VAV3: variants seen among roughly 807,000 people sequenced by gnomAD.
The protein encoded by VAV3 is guanine nucleotide exchange factor VAV3.
In VAV3, 94 loss-of-function variants were observed where a neutral mutation model predicts 131.2. That is an observed-to-expected ratio of 0.72 (90% CI 0.61 to 0.85). The LOEUF (loss-of-function observed/expected upper bound fraction) is 0.85. Among genes scored for constraint, VAV3 ranks in the 40% least tolerant of loss-of-function variants. The probability of loss-of-function intolerance (pLI) is 0.00; values close to 1 mark genes in which losing one functional copy is unlikely to be tolerated. For missense variants in VAV3, 939 were observed against 1,002.7 expected (o/e 0.94, Z 0.86); for synonymous variants, 349 against 342.0 (o/e 1.02, Z -0.22).
At chr1:107,842,289 T>G (rs1232805060) in intron 2 of VAV3, among the ~76,000 whole-genome samples, 1 of 152,136 alleles carries the variant, frequency 6.6e-6, no homozygotes, top group East Asian at 1.9e-4. Flanking sequence ...GGAAGGGAGT[T>G]GCGAGATGAA....
intron 1 of VAV3, among the ~76,000 whole-genome samples, chr1:107,886,774 C>A (rs1453195341): frequency 1.3e-5 from 2 of 152,068 alleles, no homozygotes; most frequent in East Asian, 3.9e-4. Flanking sequence ...GCAGCACACC[C>A]CCACCCAGGA....
intron 2 of VAV3, among the ~76,000 whole-genome samples, chr1:107,802,264 A>G (rs1241642511): frequency 1.3e-5 from 2 of 151,802 alleles, no homozygotes; most frequent in East Asian, 3.9e-4. Flanking sequence ...TGGACTCTTT[A>G]GATTTTTCTA....
chr1:107,932,575 G>A (rs1480625157), intron 1 of VAV3, among the ~76,000 whole-genome samples: 1 of 152,066 alleles, frequency 6.6e-6, no homozygotes, highest in Non-Finnish European at 1.5e-5. Flanking sequence ...CCCAAACCCT[G>A]GAACCAATGA....
At chr1:107,933,764 C>T (rs1673575814) in intron 1 of VAV3, among the ~76,000 whole-genome samples, 1 of 138,328 alleles carries the variant, frequency 7.2e-6, no homozygotes, top group South Asian at 2.2e-4. Context: ...TTCAGTGAGC[C>T]ATGATTGCAC....
chr1:107,693,119 T>C (rs185533281), intron 17 of VAV3, among the ~76,000 whole-genome samples: 1 of 152,250 alleles, frequency 6.6e-6, no homozygotes, highest in East Asian at 1.9e-4. Context: ...GAAGCTTGCA[T>C]AGTGGAGTTC....
At chr1:107,714,186 G>C (rs918420729) in intron 15 of VAV3, among the ~76,000 whole-genome samples, 1 of 152,036 alleles carries the variant, frequency 6.6e-6, no homozygotes, top group Non-Finnish European at 1.5e-5. Context: ...TGATGGACAG[G>C]AATCACTCTC....
chr1:107,799,474 G>A (rs1570970619), intron 2 of VAV3, among the ~76,000 whole-genome samples: 1 of 152,074 alleles, frequency 6.6e-6, no homozygotes, highest in Non-Finnish European at 1.5e-5. Context: ...AAGAAGGTGG[G>A]TGATTGTTGT....
chr1:107,841,112 C>A (rs1185653688), intron 2 of VAV3, among the ~76,000 whole-genome samples: 1 of 151,996 alleles, frequency 6.6e-6, no homozygotes, highest in Non-Finnish European at 1.5e-5. Flanking sequence ...GATGGGAGTT[C>A]CATTATATAC....
At chr1:107,824,737 T>A (rs1433164996) in intron 2 of VAV3, among the ~76,000 whole-genome samples, 1 of 152,168 alleles carries the variant, frequency 6.6e-6, no homozygotes, top group African/African-American at 2.4e-5. Context: ...ATGGCTCAAC[T>A]ATAAACATAT....
chr1:107,838,770 A>G (rs1036441633), intron 2 of VAV3, among the ~76,000 whole-genome samples: 1 of 152,166 alleles, frequency 6.6e-6, no homozygotes, highest in South Asian at 2.1e-4. Flanking sequence ...GCCCTAAAAT[A>G]AAAAGAATAA....
chr1:107,766,544 C>G lies in VAV3; in HGVS notation c.724G>C (p.Val242Leu), dbSNP rs576510723. The G allele has an allele frequency of 1.9e-6, 3 of 1,611,890 alleles. No individual in the cohort carries two copies. The highest frequency in any genetic ancestry group is 2.2e-5 in the South Asian group (2 of 90,778). ...DSVFINIPEL[V>L]KLHRNLMQEI... ...TGCATTAGGTTCCGATGAAGTTTTA[C>G]AAGTTCCTAAGAAAAGAAAACAATG... The change falls in exon 8 of 27, where the codon GTA (valine) becomes CTA (leucine). Residue 242 changes from valine to leucine, a missense_variant. Transcript: ENST00000370056.
intron 2 of VAV3, among the ~76,000 whole-genome samples, chr1:107,851,526 A>G (rs181891011): frequency 1.3e-5 from 2 of 152,266 alleles, no homozygotes; most frequent in African/African-American, 4.8e-5. Flanking sequence ...ACTGAGCCAC[A>G]GAACAAGATT....
At chr1:107,852,160 T>C (rs894015551) in intron 2 of VAV3, among the ~76,000 whole-genome samples, 8 of 152,186 alleles carry the variant, frequency 5.3e-5, no homozygotes, top group Non-Finnish European at 1.0e-4. Context: ...ACTGTACCTA[T>C]ACCTTTAATA....
chr1:107,734,674 T>C lies in VAV3; in HGVS notation c.1502+14294A>G, dbSNP rs932048419. Among the ~76,000 whole-genome samples the C allele has an allele frequency of 7.9e-5, 12 of 152,160 alleles. No homozygotes were observed. In the East Asian group the frequency reaches 9.6e-4, roughly 12 times the overall value. On this transcript the variant is annotated intron_variant, in intron 15 of 26. Coordinates refer to ENST00000370056, the MANE Select transcript of VAV3 (RefSeq NM_006113.5). The stretch of plus-strand genomic sequence containing the variant: ...AGAAGAGCTAACTATCCTAAATATA[T>C]ATGCACCCAATACAGGAGCACCCAG...
chr1:107,852,982 A>G (rs1224603181), intron 2 of VAV3, among the ~76,000 whole-genome samples: 1 of 152,160 alleles, frequency 6.6e-6, no homozygotes, highest in Non-Finnish European at 1.5e-5. Context: ...ATAGACAAAA[A>G]TGAAGGCTTG....
At chr1:107,936,339 G>A (rs987692307) in intron 1 of VAV3, among the ~76,000 whole-genome samples, 3 of 152,124 alleles carry the variant, frequency 2.0e-5, no homozygotes, top group Non-Finnish European at 4.4e-5. Context: ...ATATAAATTA[G>A]TTGTGCATAG....
chr1:107,964,169 T>C (rs1279304378), intron 1 of VAV3, among the ~76,000 whole-genome samples: 1 of 152,166 alleles, frequency 6.6e-6, no homozygotes, highest in Non-Finnish European at 1.5e-5. Flanking sequence ...ATGTCACTCC[T>C]GGACAGATAA....
intron 25 of VAV3, among the ~76,000 whole-genome samples, chr1:107,580,390 T>A (rs1649955598): frequency 6.6e-6 from 1 of 152,142 alleles, no homozygotes; most frequent in Non-Finnish European, 1.5e-5. Context: ...AGCACCACCA[T>A]CTATCAGTGA....
At chr1:107,731,982 A>G (rs1264442653) in intron 15 of VAV3, among the ~76,000 whole-genome samples, 1 of 152,196 alleles carries the variant, frequency 6.6e-6, no homozygotes, top group African/African-American at 2.4e-5. Context: ...ATATACACTT[A>G]ACTTACAACA....
Sources: gnomAD v4.1 joint callset for allele counts (sites outside exome capture counted in the v4.1 genomes callset) on GRCh38, gnomAD v4.1.1 for gene constraint, MANE v1.5 for transcripts, NCBI Gene and HGNC (gene_info 2026-07-23, HGNC 2026-07-21) for gene names.